Variants in RBFOX1 observed in about 807,000 individuals in gnomAD.
The protein encoded by RBFOX1 is RNA binding protein fox-1 homolog 1.
Under a neutral mutation model 57.7 loss-of-function variants are expected in RBFOX1, and 8 were observed. That is an observed-to-expected ratio of 0.14 (90% CI 0.08 to 0.25). RBFOX1 has a LOEUF of 0.25. Ranked by LOEUF, RBFOX1 falls within the 10% of genes least tolerant of loss-of-function variation. The pLI is 1.00. For synonymous variants in RBFOX1, 326 were observed against 222.4 expected, an observed-to-expected ratio of 1.47 and a Z score of -4.15; for missense variants, 611 against 548.5, an observed-to-expected ratio of 1.11 and a Z score of -1.14.
chr16:6,919,203 G>A (rs1339394858), intron 3 of RBFOX1, among the ~76,000 whole-genome samples: 1 of 151,942 alleles, frequency 6.6e-6, no homozygotes, highest in Admixed American at 6.6e-5. Context: ...GGCTGGTCTT[G>A]AACTCCTGAC....
chr16:5,578,191 C>T (rs2046533761), intron 2 of RBFOX1, among the ~76,000 whole-genome samples: 1 of 152,132 alleles, frequency 6.6e-6, no homozygotes, highest in African/African-American at 2.4e-5. Context: ...ACCTCGTGAT[C>T]CACCCACCTC....
chr16:5,532,249 T>C (rs568558877), intron 2 of RBFOX1, among the ~76,000 whole-genome samples: 1 of 152,332 alleles, frequency 6.6e-6, no homozygotes, highest in South Asian at 2.1e-4. Context: ...TATCTTCCAG[T>C]AACAGCCTCT....
intron 3 of RBFOX1, among the ~76,000 whole-genome samples, chr16:6,665,696 G>T (rs1483078358): frequency 6.6e-6 from 1 of 150,502 alleles, no homozygotes. Context: ...TTTCCAGAAA[G>T]GAAAATAAAT....
At chr16:5,492,831 G>T (rs970818318) in intron 2 of RBFOX1, among the ~76,000 whole-genome samples, 1 of 152,200 alleles carries the variant, frequency 6.6e-6, no homozygotes. Context: ...CATCAATAGT[G>T]CGGGGACTTG....
At chr16:5,521,981 G>A (rs2044038421) in intron 2 of RBFOX1, among the ~76,000 whole-genome samples, 1 of 152,188 alleles carries the variant, frequency 6.6e-6, no homozygotes, top group Non-Finnish European at 1.5e-5. Flanking sequence ...TTACTAGGCT[G>A]TAAGATACAC....
In RBFOX1 at chr16:5,654,420, C is replaced by T. The variant is rs187440628; in HGVS notation, c.318+55459C>T. On this transcript the variant is annotated intron_variant, in intron 3 of 19. Coordinates refer to the RBFOX1 transcript ENST00000641259. ...TTAGCAAACATTTCAAATCAGGACT[C>T]CCCCCAACCTAAAGTCCATACCATT... Among the ~76,000 whole-genome samples the T allele has an allele frequency of 5.5e-3, 834 of 152,158 alleles. 3 individuals are homozygous for T. The highest frequency in any genetic ancestry group is 6.8e-3 in the Middle Eastern group (2 of 294).
intron 3 of RBFOX1, among the ~76,000 whole-genome samples, chr16:5,809,050 C>A (rs1465717155): frequency 6.6e-6 from 1 of 152,118 alleles, no homozygotes; most frequent in Non-Finnish European, 1.5e-5. Context: ...TTTGACAAAC[C>A]TGAGAAAAAC....
intron 3 of RBFOX1, among the ~76,000 whole-genome samples, chr16:5,802,010 G>A (rs1452066688): frequency 6.6e-6 from 1 of 152,064 alleles, no homozygotes; most frequent in Non-Finnish European, 1.5e-5. Flanking sequence ...GGCTGCATTC[G>A]CTGGAGGAAG....
In RBFOX1 at chr16:5,963,805, C is replaced by G. The variant is rs1013546506; in HGVS notation, c.351+96470C>G. 2.0e-5 allele frequency among the ~76,000 whole-genome samples: 3 copies of G among 152,240 alleles called. No individual in the cohort carries two copies. In the East Asian group the frequency reaches 5.8e-4, roughly 29 times the overall value. The stretch of plus-strand genomic sequence containing the variant: ...CTTAAGACCTAAAGCCATAAGACTC[C>G]TAGAAACAAAACAGGAGAAAGTGCC... On this transcript the variant is annotated intron_variant, in intron 4 of 19. Coordinates refer to the RBFOX1 transcript ENST00000641259.
intron 3 of RBFOX1, among the ~76,000 whole-genome samples, chr16:6,814,124 T>G (rs2154268889): frequency 6.6e-6 from 1 of 152,274 alleles, no homozygotes; most frequent in East Asian, 1.9e-4. Flanking sequence ...CATAGGGAGC[T>G]TATTTAAAAC....
chr16:6,897,089 A>G (rs886418631), intron 3 of RBFOX1, among the ~76,000 whole-genome samples: 1 of 152,116 alleles, frequency 6.6e-6, no homozygotes, highest in Non-Finnish European at 1.5e-5. Flanking sequence ...GAAGGGAGCA[A>G]TGGATGGGGC....
chr16:6,844,283 C>A (rs2093644164), intron 3 of RBFOX1, among the ~76,000 whole-genome samples: 1 of 152,004 alleles, frequency 6.6e-6, no homozygotes, highest in Non-Finnish European at 1.5e-5. Context: ...CAGTTTGCTG[C>A]ACAGGTCATC....
In RBFOX1 at chr16:7,504,771, T is replaced by A. The variant is rs28597934; in HGVS notation, c.28-13376T>A. On this transcript the variant is annotated intron_variant, in intron 4 of 15. Coordinates refer to ENST00000550418, the MANE Select transcript of RBFOX1 (RefSeq NM_018723.4). Reference sequence around the variant, plus strand: ...TATATATATTTATATATATATATATTTATATATATATATATTTATATATAT... The same window carrying A: ...TATATATATTTATATATATATATATATATATATATATATATTTATATATAT... 8.3e-3 allele frequency among the ~76,000 whole-genome samples: 413 copies of A among 49,654 alleles called. 15 individuals carry two copies. Among genetic ancestry groups the A allele is most frequent in the East Asian group, 0.032 (26 of 816 alleles). 32.6% of individuals were successfully genotyped at this position (49,654 alleles called of 152,430 possible). A position where few individuals can be genotyped will look rare whatever the true frequency, so the allele number is the denominator to read the frequency against.
At chr16:5,577,783 C>T (rs540972089) in intron 2 of RBFOX1, among the ~76,000 whole-genome samples, 17 of 152,246 alleles carry the variant, frequency 1.1e-4, no homozygotes, top group South Asian at 6.2e-4. Flanking sequence ...TCACACCAGG[C>T]GGCATAATAG....
intron 4 of RBFOX1, among the ~76,000 whole-genome samples, chr16:7,298,298 T>G (rs904611804): frequency 1.6e-4 from 23 of 148,328 alleles, no homozygotes; most frequent in East Asian, 9.7e-4. Context: ...TTTTTTTTTT[T>G]TTTTTTTTGA....
intron 1 of RBFOX1, among the ~76,000 whole-genome samples, chr16:6,217,033 T>C (rs932326121): frequency 6.6e-6 from 1 of 152,196 alleles, no homozygotes; most frequent in Non-Finnish European, 1.5e-5. Context: ...GAAAGCCCTC[T>C]TCAGGTAACC....
Position 6,826,342 on chromosome 16 carries a change from C to G in RBFOX1, c.-16+171692C>G, listed in dbSNP as rs189948879. ...AGCCTAGGCAACATGGGGAGACCCC[C>G]TTCTTATTTACAGAAAAAGGGAGGG... is the stretch of plus-strand genomic sequence containing the variant. On this transcript the variant is annotated intron_variant, in intron 3 of 15. Coordinates refer to ENST00000550418, the MANE Select transcript of RBFOX1 (RefSeq NM_018723.4). Among the ~76,000 whole-genome samples the G allele has an allele frequency of 9.4e-4, 143 of 152,232 alleles. 1 individual carries two copies. Among genetic ancestry groups the G allele is most frequent in the Non-Finnish European group, 8.8e-5 (6 of 68,000 alleles).
intron 3 of RBFOX1, among the ~76,000 whole-genome samples, chr16:7,013,323 T>C (rs2093740572): frequency 6.6e-6 from 1 of 152,188 alleles, no homozygotes; most frequent in African/African-American, 2.4e-5. Flanking sequence ...AGTGTTCTGC[T>C]CATGTTATAC....
intron 3 of RBFOX1, among the ~76,000 whole-genome samples, chr16:5,839,888 C>G (rs1385151591): frequency 6.6e-6 from 1 of 152,152 alleles, no homozygotes; most frequent in Non-Finnish European, 1.5e-5. Context: ...TAGAATCAGT[C>G]TCGTTGGTAA....
Sources: gnomAD v4.1 joint callset for allele counts (sites outside exome capture counted in the v4.1 genomes callset) on GRCh38, gnomAD v4.1.1 for gene constraint, MANE v1.5 for transcripts, NCBI Gene and HGNC (gene_info 2026-07-23, HGNC 2026-07-21) for gene names.